Variants in CDH11 observed in about 807,000 individuals in gnomAD.
The protein encoded by CDH11 is cadherin-11.
A neutral mutation model predicts 67.8 loss-of-function variants in CDH11; 11 were observed. The ratio of observed to expected loss-of-function variants is 0.16; its 90% CI spans 0.10 to 0.27. The LOEUF is 0.27. Among genes scored for constraint, CDH11 ranks in the 10% least tolerant of loss-of-function variants. The pLI, the probability that CDH11 is intolerant of heterozygous loss-of-function variation, is 1.00. For synonymous variants in CDH11, 419 were observed against 400.0 expected (o/e 1.05, Z -0.57); for missense variants, 847 against 1,031.2 (o/e 0.82, Z 2.45).
At chr16:65,005,083 C>T in intron 2 of CDH11, 42 bp from the exon 3 acceptor site, 1 of 1,341,100 alleles carries the variant, frequency 7.5e-7, no homozygotes, top group Non-Finnish European at 9.5e-7. Context: ...GGCCAAATCC[C>T]CACTTCATTT....
intron 12 of CDH11, among the ~76,000 whole-genome samples, chr16:64,949,994 G>T (rs1464938094): frequency 6.6e-6 from 1 of 152,142 alleles, no homozygotes; most frequent in Non-Finnish European, 1.5e-5. Context: ...GTAGGACCAA[G>T]CATCATGGCA....
At chr16:65,029,039 A>T (rs1229038318) in intron 2 of CDH11, among the ~76,000 whole-genome samples, 1 of 152,194 alleles carries the variant, frequency 6.6e-6, no homozygotes, top group East Asian at 1.9e-4. Context: ...ATAGTAAACA[A>T]TACTGCACTG....
chr16:64,961,380 G>A lies in CDH11; in HGVS notation c.1642+10199C>T, dbSNP rs566145608. ...TGCTCAAGTGACAGAAAAACCTTCT[G>A]ATAGCCATGTAACCCCATGATCTGA... is the stretch of plus-strand genomic sequence containing the variant. On this transcript the variant is annotated intron_variant, in intron 11 of 12. Transcript: ENST00000268603. Among the ~76,000 whole-genome samples, 6 of 152,184 alleles carry A rather than the reference G, an allele frequency of 3.9e-5. No homozygotes were observed. In the East Asian group the frequency reaches 1.2e-3, roughly 29 times the overall value.
At chr16:64,968,323 G>T in intron 11 of CDH11, 1 of 564,714 alleles carries the variant, frequency 1.8e-6, no homozygotes, top group Non-Finnish European at 2.2e-6. Flanking sequence ...ACATAGAGGA[G>T]AGATATTATC....
rs548890533 is a variant in CDH11 at position 64,947,423 on chromosome 16, G to A, written c.*180C>T. The A allele has an allele frequency of 7.3e-7, 1 of 1,361,774 alleles. No individual in the cohort carries two copies. Among genetic ancestry groups the A allele is most frequent in the East Asian group, 2.6e-5 (1 of 38,602 alleles). 84.4% of individuals were successfully genotyped at this position (1,361,774 alleles called of 1,614,324 possible). A position where few individuals can be genotyped will look rare whatever the true frequency, so the allele number is the denominator to read the frequency against. ...AATATTTGCCTTTTTGTGAGAAAAG[G>A]TATTTCACAGTATTTACCACTTTGA... On this transcript the variant is annotated 3_prime_UTR_variant, in exon 13 of 13. Coordinates refer to ENST00000268603, the MANE Select transcript of CDH11 (RefSeq NM_001797.4).
intron 1 of CDH11, among the ~76,000 whole-genome samples, chr16:65,098,452 T>A (rs1172286707): frequency 6.6e-6 from 1 of 152,146 alleles, no homozygotes; most frequent in Non-Finnish European, 1.5e-5. Flanking sequence ...GTTGGGAATT[T>A]ATCAAATTAC....
chr16:64,949,744 C>T (rs939744094), intron 12 of CDH11, among the ~76,000 whole-genome samples: 1 of 152,082 alleles, frequency 6.6e-6, no homozygotes, highest in African/African-American at 2.4e-5. Context: ...GTGCTTTCTA[C>T]TCTGTCCTCC....
chr16:64,946,919 T>A lies in CDH11; in HGVS notation c.*684A>T. On this transcript the variant is annotated 3_prime_UTR_variant, in exon 13 of 13. Transcript: ENST00000268603. Reference sequence around the variant, plus strand: ...GTCAGAATACTGATATTTATACGTATACTAAAATAAGAACTTTAAAATTGT... The same window carrying A: ...GTCAGAATACTGATATTTATACGTAAACTAAAATAAGAACTTTAAAATTGT... 1.2e-6 allele frequency: 1 copy of A among 819,424 alleles called. No individual in the cohort carries two copies. The highest frequency in any genetic ancestry group is 1.5e-6 in the Non-Finnish European group (1 of 667,826). The allele number at this position is 819,424 out of a possible 1,614,324, so 50.8% of individuals were successfully genotyped here. A position where few individuals can be genotyped will look rare whatever the true frequency, so the allele number is the denominator to read the frequency against.
At chr16:65,108,155 G>A (rs1261379045) in intron 1 of CDH11, among the ~76,000 whole-genome samples, 4 of 152,056 alleles carry the variant, frequency 2.6e-5, no homozygotes, top group Admixed American at 1.3e-4. Flanking sequence ...GAGGAGTGGG[G>A]GTGATAGAGA....
chr16:64,948,068 C>T lies in CDH11; in HGVS notation c.1926G>A (p.Arg642=), dbSNP rs1372924179. 3 of 1,613,828 alleles carry T rather than the reference C, an allele frequency of 1.9e-6. No individual in the cohort carries two copies. Among genetic ancestry groups the T allele is most frequent in the East Asian group, 2.2e-5 (1 of 44,872 alleles). ...AGACAATGAGTGGTTCTTTCTTTTG[C>T]CTTCTCAGGGTCACAAACAATACTA... ...VIVVLFVTLR[R]QKKEPLIVFE... The change falls in exon 13 of 13, where the codon AGG becomes AGA. Residue 642 remains arginine (R), a synonymous_variant. Coordinates refer to ENST00000268603, the MANE Select transcript of CDH11 (RefSeq NM_001797.4).
At chr16:65,051,630 C>G (rs1712805205) in intron 2 of CDH11, among the ~76,000 whole-genome samples, 1 of 152,110 alleles carries the variant, frequency 6.6e-6, no homozygotes, top group African/African-American at 2.4e-5. Context: ...AAGGAGGAAC[C>G]TGTAATCCCC....
In CDH11 at chr16:64,998,611, C is replaced by T. The variant is rs1027978684; in HGVS notation, c.474G>A (p.Glu158=). 7.4e-6 allele frequency: 12 copies of T among 1,613,980 alleles called. No individual in the cohort carries two copies. In the African/African-American group the frequency reaches 9.3e-5, roughly 13 times the overall value. The stretch of plus-strand genomic sequence containing the variant: ...TGGCATGATAGGTCTCGTGCAGGAA[C>T]TCCGGAGGGTTGTCATTAATGTCCT... The part of the protein sequence containing the change: ...KVQDINDNPP[E]FLHETYHANV... The change falls in exon 4 of 13, where the codon GAG becomes GAA. Residue 158 remains glutamate, a synonymous_variant. Transcript: ENST00000268603.
chr16:65,060,350 TATATAGAGAG>T (rs1488097690), intron 1 of CDH11, among the ~76,000 whole-genome samples: 1 of 140,240 alleles, frequency 7.1e-6, no homozygotes, highest in Non-Finnish European at 1.5e-5. Context: ...TATATATATA[TATATAGAGAG>T]AGAGAGAGAG....
chr16:65,039,381 G>C (rs1379216607), intron 2 of CDH11, among the ~76,000 whole-genome samples: 1 of 152,278 alleles, frequency 6.6e-6, no homozygotes, highest in African/African-American at 2.4e-5. Context: ...CAATGGAACA[G>C]AACAGAGCCC....
At chr16:64,948,644 A>C in intron 12 of CDH11, 1 of 1,612,086 alleles carries the variant, frequency 6.2e-7, no homozygotes. Context: ...GCCACCACAT[A>C]GAGGAAAGGA....
intron 7 of CDH11, chr16:64,987,357 T>C (rs1177111714): frequency 1.3e-5 from 2 of 152,168 alleles, no homozygotes; most frequent in Admixed American, 6.6e-5. Flanking sequence ...GCCTGAGCTA[T>C]ATGACAGTGA....
rs1289665126 is a variant in CDH11, at chr16:64,991,530, T to C, written c.811+238A>G. The C allele has an allele frequency of 5.7e-5, 26 of 459,240 alleles. No homozygotes were observed. The East Asian group carries it at 7.2e-4, about 13-fold the overall frequency. 28.4% of individuals were successfully genotyped at this position (459,240 alleles called of 1,614,324 possible). On this transcript the variant is annotated intron_variant, in intron 6 of 12. Transcript: ENST00000268603. Reference sequence around the variant, plus strand: ...AAAATACTTAGCAAAAACGATATTTTGTTTCCAGGGTTGTAGAACTTTTTA... The same window carrying C: ...AAAATACTTAGCAAAAACGATATTTCGTTTCCAGGGTTGTAGAACTTTTTA...
intron 2 of CDH11, among the ~76,000 whole-genome samples, chr16:65,018,809 C>T (rs1452180256): frequency 3.3e-5 from 5 of 152,146 alleles, no homozygotes; most frequent in African/African-American, 4.8e-5. Flanking sequence ...TTATCAGAGA[C>T]GTGCATTTAA....
In CDH11 at chr16:64,945,411, T is replaced by C; in HGVS notation, c.*2192A>G. The C allele has an allele frequency of 2.9e-6, 3 of 1,036,204 alleles. No individual in the cohort carries two copies. Among genetic ancestry groups the C allele is most frequent in the Non-Finnish European group, 3.5e-6 (3 of 860,080 alleles). 64.2% of individuals were successfully genotyped at this position (1,036,204 alleles called of 1,614,324 possible). ...TAAAAATGCGAAAATGTAGTTGTCA[T>C]CTCTAATCCAAATACATTCCTAGAG... is the stretch of plus-strand genomic sequence containing the variant. On this transcript the variant is annotated 3_prime_UTR_variant, in exon 13 of 13. Transcript: ENST00000268603.
Sources: gnomAD v4.1 joint callset for allele counts (sites outside exome capture counted in the v4.1 genomes callset) on GRCh38, gnomAD v4.1.1 for gene constraint, MANE v1.5 for transcripts, NCBI Gene and HGNC (gene_info 2026-07-23, HGNC 2026-07-21) for gene names.